The following LY96 variants were observed in gnomAD, a reference collection of about 807,000 sequenced individuals.
The protein encoded by LY96 is myeloid differentiation protein-2.
A neutral mutation model predicts 18.9 loss-of-function variants in LY96; 18 were observed. The ratio of observed to expected loss-of-function variants is 0.95; its 90% CI spans 0.66 to 1.41. The LOEUF is 1.41. Among genes scored for constraint, LY96 ranks in the 40% most tolerant of loss-of-function variants. LY96 has a pLI of 0.00. For synonymous variants in LY96, 66 were observed against 62.6 expected, an observed-to-expected ratio of 1.06 and a Z score of -0.26; for missense variants, 175 against 182.4, an observed-to-expected ratio of 0.96 and a Z score of 0.23.
the LY96 span, among the ~76,000 whole-genome samples, chr8:74,051,497 T>C: frequency 6.6e-6 from 1 of 152,192 alleles, no homozygotes; most frequent in African/African-American, 2.4e-5. Flanking sequence ...TGCTTCTCTC[T>C]CATGATGCTG....
the LY96 span, among the ~76,000 whole-genome samples, chr8:74,066,071 A>G: frequency 6.6e-6 from 1 of 152,150 alleles, no homozygotes; most frequent in South Asian, 2.1e-4. Context: ...CTTAGACTGG[A>G]TAATTTATAA....
At chr8:74,029,877 C>G (rs1293961355), downstream of LY96, among the ~76,000 whole-genome samples, 1 of 152,186 alleles carries the variant, frequency 6.6e-6, no homozygotes, top group Non-Finnish European at 1.5e-5. Flanking sequence ...TCAGGCTGGT[C>G]TTGAACTCCT....
At chr8:74,040,274 T>C in the LY96 span, among the ~76,000 whole-genome samples, 1 of 152,252 alleles carries the variant, frequency 6.6e-6, no homozygotes, top group African/African-American at 2.4e-5. Context: ...CTAACTATTT[T>C]CTTTATTATA....
At chr8:74,078,449 A>G in the LY96 span, among the ~76,000 whole-genome samples, 12 of 152,208 alleles carry the variant, frequency 7.9e-5, no homozygotes, top group Non-Finnish European at 1.8e-4. Flanking sequence ...AATTCTCACA[A>G]TCACCACCCC....
chr8:74,028,279 G>A (rs1389423085), intron 4 of LY96, among the ~76,000 whole-genome samples: 1 of 152,068 alleles, frequency 6.6e-6, no homozygotes, highest in Non-Finnish European at 1.5e-5. Flanking sequence ...TGTAGACTAT[G>A]GAAAAATTGC....
At chr8:74,017,751 A>G (rs2131275818) in intron 3 of LY96, among the ~76,000 whole-genome samples, 1 of 152,330 alleles carries the variant, frequency 6.6e-6, no homozygotes, top group Admixed American at 6.5e-5. Flanking sequence ...AATATTCAAC[A>G]TTCTTAAAGA....
chr8:74,067,070 G>C, the LY96 span, among the ~76,000 whole-genome samples: 1 of 152,200 alleles, frequency 6.6e-6, no homozygotes, highest in Non-Finnish European at 1.5e-5. Flanking sequence ...CATGTAGCAA[G>C]CTGCAGTTTG....
chr8:74,011,238 A>G (rs984368657), intron 3 of LY96, among the ~76,000 whole-genome samples: 2 of 152,246 alleles, frequency 1.3e-5, no homozygotes, highest in Admixed American at 6.5e-5. Flanking sequence ...TCAACTCAAG[A>G]TGGATGAACA....
chr8:74,056,250 G>A, the LY96 span: 1 of 219,022 alleles, frequency 4.6e-6, no homozygotes, highest in South Asian at 5.7e-5. Flanking sequence ...TCATGTTGAT[G>A]TTCAGGCTAC....
chr8:74,053,440 T>C, the LY96 span, among the ~76,000 whole-genome samples: 1 of 152,208 alleles, frequency 6.6e-6, no homozygotes, highest in African/African-American at 2.4e-5. Flanking sequence ...CTACTCCCTG[T>C]AGAATAAAAT....
chr8:74,064,702 C>G, the LY96 span, among the ~76,000 whole-genome samples: 12,293 of 152,168 alleles, frequency 0.081, 850 homozygotes, highest in African/African-American at 0.19. Flanking sequence ...CAATAAACCT[C>G]TTTTCTCTAT....
the LY96 span, among the ~76,000 whole-genome samples, chr8:74,043,861 G>A: frequency 6.6e-6 from 1 of 152,154 alleles, no homozygotes; most frequent in Admixed American, 6.5e-5. Context: ...TTTGAGACAT[G>A]GTCTGGCTGT....
At chr8:74,038,657 G>A in the LY96 span, among the ~76,000 whole-genome samples, 9 of 152,158 alleles carry the variant, frequency 5.9e-5, no homozygotes, top group Middle Eastern at 3.2e-3. Flanking sequence ...TTCCCAAAGT[G>A]CTGGGATTAT....
At chr8:74,040,018 G>A in the LY96 span, among the ~76,000 whole-genome samples, 13 of 152,290 alleles carry the variant, frequency 8.5e-5, no homozygotes, top group South Asian at 1.9e-3. Flanking sequence ...TGGCATTACC[G>A]CTTGACCAAG....
At chr8:74,070,506 TTA>T in the LY96 span, among the ~76,000 whole-genome samples, 2 of 152,210 alleles carry the variant, frequency 1.3e-5, no homozygotes, top group African/African-American at 4.8e-5. Flanking sequence ...TTTTGGGTTT[TTA>T]TATATCCAGT....
the LY96 span, among the ~76,000 whole-genome samples, chr8:74,059,956 T>C: frequency 6.6e-6 from 1 of 152,200 alleles, no homozygotes; most frequent in African/African-American, 2.4e-5. Flanking sequence ...CTGGGCAACG[T>C]GGTGAAACCT....
chr8:74,068,943 C>T, the LY96 span, among the ~76,000 whole-genome samples: 1 of 152,098 alleles, frequency 6.6e-6, no homozygotes, highest in African/African-American at 2.4e-5. Context: ...TACAGGCACA[C>T]ACCACCATGC....
chr8:74,096,306 C>T, the LY96 span, among the ~76,000 whole-genome samples: 1 of 152,128 alleles, frequency 6.6e-6, no homozygotes, highest in Non-Finnish European at 1.5e-5. Flanking sequence ...CATGATCTGT[C>T]CCTTCCCCCA....
intron 2 of LY96, among the ~76,000 whole-genome samples, chr8:74,006,494 A>G (rs1423628420): frequency 6.6e-6 from 1 of 152,180 alleles, no homozygotes; most frequent in Non-Finnish European, 1.5e-5. Context: ...CACCGTGCCC[A>G]GCCAATAAGA....
Sources: gnomAD v4.1 joint callset for allele counts (sites outside exome capture counted in the v4.1 genomes callset) on GRCh38, gnomAD v4.1.1 for gene constraint, MANE v1.5 for transcripts, NCBI Gene and HGNC (gene_info 2026-07-23, HGNC 2026-07-21) for gene names.